The following ITGA11 variants were observed in gnomAD, a reference collection of about 807,000 sequenced individuals.
The protein encoded by ITGA11 is integrin subunit alpha 11.
A neutral mutation model predicts 141.9 loss-of-function variants in ITGA11; 97 were observed. That is an observed-to-expected ratio of 0.68 (90% CI 0.58 to 0.81). The LOEUF is 0.81. Ranked by LOEUF, ITGA11 falls within the 30% of genes least tolerant of loss-of-function variation. ITGA11 has a pLI of 0.00. For synonymous variants in ITGA11, 658 were observed against 624.6 expected, an observed-to-expected ratio of 1.05 and a Z score of -0.80; for missense variants, 1,387 against 1,559.2, an observed-to-expected ratio of 0.89 and a Z score of 1.86.
chr15:68,309,570 G>A (rs1893309649), intron 26 of ITGA11, among the ~76,000 whole-genome samples: 1 of 147,668 alleles, frequency 6.8e-6, no homozygotes, highest in Admixed American at 6.8e-5. Context: ...TCCTGGGAAT[G>A]TAACCATGTC....
chr15:68,379,449 A>G (rs1299252987), intron 2 of ITGA11, among the ~76,000 whole-genome samples: 2 of 152,256 alleles, frequency 1.3e-5, no homozygotes, highest in East Asian at 3.8e-4. Context: ...GCACACAGTC[A>G]AGGCTCAATC....
intron 13 of ITGA11, 110 bp from the exon 14 acceptor site, chr15:68,332,172 A>C: frequency 8.0e-7 from 1 of 1,248,878 alleles, no homozygotes; most frequent in Non-Finnish European, 1.1e-6. Context: ...CATTCCCCAG[A>C]ACCCCGTCTC....
rs1892978942 is a variant in ITGA11 at position 68,299,502 on chromosome 15, G to A, written c.*3557C>T. 1.3e-5 allele frequency: 2 copies of A among 151,926 alleles called. No homozygotes were observed. The highest frequency in any genetic ancestry group is 4.8e-5 in the African/African-American group (2 of 41,330). The allele number at this position is 151,926 out of a possible 1,614,324, so 9.4% of individuals were successfully genotyped here. The stretch of plus-strand genomic sequence containing the variant: ...GCCGAAGGTAAAAGCAAAGACTGGT[G>A]TGGTGTTGAATAAAAACAGGGGACC... On this transcript the variant is annotated 3_prime_UTR_variant, in exon 30 of 30. Transcript: ENST00000315757.
At chr15:68,311,498 C>A in intron 24 of ITGA11, 95 bp from the exon 25 acceptor site, 4 of 809,466 alleles carry the variant, frequency 4.9e-6, no homozygotes, top group Non-Finnish European at 8.3e-6. Context: ...GGTGGCAATT[C>A]CCCCATCAGG....
rs955403587 is a variant in ITGA11 at position 68,301,330 on chromosome 15, C to A, written c.*1729G>T. The A allele has an allele frequency of 1.3e-5, 2 of 152,216 alleles. No individual in the cohort carries two copies. The highest frequency in any genetic ancestry group is 2.9e-5 in the Non-Finnish European group (2 of 68,050). The allele number at this position is 152,216 out of a possible 1,614,324, so 9.4% of individuals were successfully genotyped here. A position where few individuals can be genotyped will look rare whatever the true frequency, so the allele number is the denominator to read the frequency against. On this transcript the variant is annotated 3_prime_UTR_variant, in exon 30 of 30. Coordinates refer to ENST00000315757, the MANE Select transcript of ITGA11 (RefSeq NM_001004439.2). This position sits in a 1 kb window ranked among gnomAD's most constrained non-coding sequence, Gnocchi z 4.4. ...ATGGCACAAGAACAGAATGGAGACG[C>A]CTTGGCTGATGTCAGAGTGTAAGAC...
Position 68,324,823 on chromosome 15 carries a change from C to T in ITGA11, c.2322+308G>A, listed in dbSNP as rs550781338. Among the ~76,000 whole-genome samples, 415 of 152,286 alleles carry T rather than the reference C, an allele frequency of 2.7e-3. 3 individuals are homozygous for T. The highest frequency in any genetic ancestry group is 0.01 in the Middle Eastern group (3 of 294). On this transcript the variant is annotated intron_variant, in intron 18 of 29. Transcript: ENST00000315757. The surrounding 1 kb of genome is among the most constrained non-coding windows in gnomAD (Gnocchi z 6.3). ...GGGTGATTAAGATCTCCGATCCCTT[C>T]TCATCCAGTGGTTCTTTGTATTTCT...
chr15:68,369,370 T>A, intron 2 of ITGA11, 86 bp from the exon 3 acceptor site: 1 of 158,232 alleles, frequency 6.3e-6, no homozygotes. Flanking sequence ...AGTGTGGAGG[T>A]GAAGTTGGGT....
At chr15:68,364,918 G>T in intron 3 of ITGA11, 120 bp from the exon 4 acceptor site, 1 of 986,662 alleles carries the variant, frequency 1.0e-6, no homozygotes, top group Non-Finnish European at 1.6e-6. Flanking sequence ...GGGGACCTCT[G>T]GCTCTCAGGG....
intron 18 of ITGA11, among the ~76,000 whole-genome samples, chr15:68,323,478 G>T (rs1893873803): frequency 6.6e-6 from 1 of 152,118 alleles, no homozygotes; most frequent in Non-Finnish European, 1.5e-5. Context: ...TCCCCAACAG[G>T]CCAGATATTA....
At chr15:68,310,182 GAGT>G (rs1893333798) in intron 26 of ITGA11, among the ~76,000 whole-genome samples, 1 of 152,172 alleles carries the variant, frequency 6.6e-6, no homozygotes, top group Non-Finnish European at 1.5e-5. Context: ...GTCTTAGTTA[GAGT>G]AATACCTCAA....
At position 68,331,933 on chromosome 15, in the gene ITGA11, G is replaced by C. The variant is rs955945468; in HGVS notation, c.1696C>G (p.Leu566Val). 1 of 1,613,366 alleles carries C rather than the reference G, an allele frequency of 6.2e-7. No individual in the cohort carries two copies. The highest frequency in any genetic ancestry group is 1.3e-5 in the African/African-American group (1 of 74,986). The change falls in exon 14 of 30, where the codon CTG becomes GTG. Residue 566 changes from leucine to valine, a missense_variant. Leu to Val is a conservative substitution (Grantham distance 32). Coordinates refer to ENST00000315757, the MANE Select transcript of ITGA11 (RefSeq NM_001004439.2). ...SYNDVVVGAP[L>V]EDNHAGAIYI... ...ATGGCTCCTGCGTGGTTGTCCTCCA[G>C]GGGGGCTCCCACCACCACGTCATTG...
chr15:68,373,356 T>C (rs1243787186), intron 2 of ITGA11, among the ~76,000 whole-genome samples: 1 of 152,212 alleles, frequency 6.6e-6, no homozygotes, highest in African/African-American at 2.4e-5. Context: ...TGTGTGACAG[T>C]CTGCAGCAGG....
At chr15:68,426,463 G>C (rs992398482) in intron 1 of ITGA11, among the ~76,000 whole-genome samples, 2 of 151,372 alleles carry the variant, frequency 1.3e-5, no homozygotes, top group African/African-American at 4.8e-5. Context: ...TGAGCTGGGT[G>C]GGGAGAGGGG....
intron 2 of ITGA11, among the ~76,000 whole-genome samples, chr15:68,385,261 A>G (rs929020113): frequency 4.6e-5 from 7 of 151,964 alleles, no homozygotes; most frequent in Admixed American, 3.9e-4. Context: ...GTGAGGAGCT[A>G]CTCGGACATG....
At chr15:68,316,539 C>G (rs552970315) in intron 21 of ITGA11, among the ~76,000 whole-genome samples, 67 of 152,310 alleles carry the variant, frequency 4.4e-4, no homozygotes, top group African/African-American at 1.6e-3. Context: ...TTGTCGGTGC[C>G]TCAACCCAGA....
Position 68,333,106 on chromosome 15 carries a change from C to CTT in ITGA11, c.1426-630_1426-629dup, listed in dbSNP as rs3084602. Among the ~76,000 whole-genome samples the CTT allele has an allele frequency of 0.65, 96,779 of 148,868 alleles. 35,036 individuals are homozygous for CTT. The highest frequency in any genetic ancestry group is 0.81 in the East Asian group (4,131 of 5,072). ...TAATCAGTTATTGCTGGACGGTTAG[C>CTT]TTTTTTTTTTTGAGGCAAGGTTTTG... On this transcript the variant is annotated intron_variant, in intron 12 of 29. Transcript: ENST00000315757. The surrounding 1 kb of genome is among the most constrained non-coding windows in gnomAD (Gnocchi z 4.2).
chr15:68,360,455 C>T (rs1260581830), intron 5 of ITGA11, among the ~76,000 whole-genome samples: 1 of 152,106 alleles, frequency 6.6e-6, no homozygotes, highest in Admixed American at 6.5e-5. Flanking sequence ...TGAACACTCC[C>T]TTGGGGAGCT....
At chr15:68,331,503 G>A (rs1166661145) in intron 14 of ITGA11, among the ~76,000 whole-genome samples, 1 of 151,798 alleles carries the variant, frequency 6.6e-6, no homozygotes, top group Non-Finnish European at 1.5e-5. Context: ...CTAGCATGAA[G>A]CATTTCCAGA....
intron 4 of ITGA11, 116 bp from the exon 5 acceptor site, chr15:68,361,820 G>A: frequency 1.5e-6 from 1 of 653,660 alleles, no homozygotes; most frequent in East Asian, 2.7e-5. Flanking sequence ...CTATCTGAGG[G>A]GTGAGGGGGT....
Sources: gnomAD v4.1 joint callset for allele counts (sites outside exome capture counted in the v4.1 genomes callset) on GRCh38, gnomAD v4.1.1 for gene constraint, Gnocchi (gnomAD v3.1) non-coding constraint, MANE v1.5 for transcripts, NCBI Gene and HGNC (gene_info 2026-07-23, HGNC 2026-07-21) for gene names.